AGBL4: variants seen among roughly 807,000 people sequenced by gnomAD.
AGBL4 encodes the protein cytosolic carboxypeptidase 6.
Under a neutral mutation model 66.4 loss-of-function variants are expected in AGBL4, and 58 were observed. The observed-to-expected ratio is 0.87, with a 90% CI of 0.71 to 1.09. The LOEUF (loss-of-function observed/expected upper bound fraction) is 1.09, where lower values mean the gene tolerates loss of function less well. AGBL4 is among the 50% of genes least tolerant of loss of function. The probability of loss-of-function intolerance (pLI) is 0.00; values close to 1 mark genes in which losing one functional copy is unlikely to be tolerated. For missense variants in AGBL4, 579 were observed against 631.0 expected, an observed-to-expected ratio of 0.92 and a Z score of 0.88; for synonymous variants, 234 against 222.9, an observed-to-expected ratio of 1.05 and a Z score of -0.44.
intron 2 of AGBL4, among the ~76,000 whole-genome samples, chr1:49,775,866 T>G (rs1644182842): frequency 6.6e-6 from 1 of 152,116 alleles, no homozygotes; most frequent in Non-Finnish European, 1.5e-5. Flanking sequence ...TTTATTATTA[T>G]AGTGGTAAAA....
chr1:49,186,007 T>C (rs1167070118), intron 4 of AGBL4, among the ~76,000 whole-genome samples: 1 of 152,086 alleles, frequency 6.6e-6, no homozygotes, highest in Admixed American at 6.6e-5. Flanking sequence ...CCTGCCTCCA[T>C]CCAGGGTCTC....
At chr1:49,463,472 A>C (rs1646559679) in intron 3 of AGBL4, among the ~76,000 whole-genome samples, 1 of 151,904 alleles carries the variant, frequency 6.6e-6, no homozygotes, top group East Asian at 2.0e-4. Flanking sequence ...TTAGGGACCC[A>C]GCAGCTTACT....
At chr1:48,776,285 A>C (rs1254766097) in intron 6 of AGBL4, among the ~76,000 whole-genome samples, 1 of 152,254 alleles carries the variant, frequency 6.6e-6, no homozygotes, top group Non-Finnish European at 1.5e-5. Flanking sequence ...ACAGGTAGGG[A>C]GAAAAATGGA....
chr1:49,804,067 A>T (rs1047775562), intron 2 of AGBL4, among the ~76,000 whole-genome samples: 9 of 152,152 alleles, frequency 5.9e-5, no homozygotes, highest in African/African-American at 1.7e-4. Context: ...GAATTTTTTT[A>T]AATTAGTAGT....
At position 49,824,039 on chromosome 1, in the gene AGBL4, C is replaced by T. The variant is rs571300099; in HGVS notation, c.157+27357G>A. 1.3e-5 allele frequency among the ~76,000 whole-genome samples: 2 copies of T among 151,832 alleles called. 1 individual carries two copies. Among genetic ancestry groups the T allele is most frequent in the South Asian group, 4.2e-4 (2 of 4,806 alleles). On this transcript the variant is annotated intron_variant, in intron 2 of 13. Coordinates refer to ENST00000371839, the MANE Select transcript of AGBL4 (RefSeq NM_032785.4). ...CAGCCTGACCAACATGGAGAAACCC[C>T]GTCTCTACTAAAAACAAAAATTAGC... is the stretch of plus-strand genomic sequence containing the variant.
chr1:48,848,076 C>A (rs1438880463), intron 6 of AGBL4, among the ~76,000 whole-genome samples: 1 of 152,050 alleles, frequency 6.6e-6, no homozygotes, highest in East Asian at 1.9e-4. Context: ...GTTCCTTCAG[C>A]ATTTATGTGA....
chr1:49,686,915 A>G (rs1374630830), intron 3 of AGBL4, among the ~76,000 whole-genome samples: 1 of 152,198 alleles, frequency 6.6e-6, no homozygotes, highest in Admixed American at 6.5e-5. Context: ...CTTGAGCTTA[A>G]TCCAAATGAA....
intron 5 of AGBL4, among the ~76,000 whole-genome samples, chr1:48,909,029 G>C: frequency 6.6e-6 from 1 of 151,728 alleles, no homozygotes; most frequent in East Asian, 1.9e-4. Context: ...ATTGGATTTA[G>C]CATGCACTTA....
intron 4 of AGBL4, among the ~76,000 whole-genome samples, chr1:49,104,522 A>G (rs1001388795): frequency 1.3e-5 from 2 of 152,110 alleles, no homozygotes; most frequent in Admixed American, 1.3e-4. Context: ...TGGATTACTT[A>G]TTTCCATTTT....
chr1:49,423,318 T>G (rs1645585271), intron 3 of AGBL4, among the ~76,000 whole-genome samples: 1 of 152,182 alleles, frequency 6.6e-6, no homozygotes, highest in Non-Finnish European at 1.5e-5. Flanking sequence ...TTTAGCAGGA[T>G]GCTGGCAGAG....
chr1:49,300,468 T>C (rs1420949246), intron 3 of AGBL4, among the ~76,000 whole-genome samples: 2 of 152,208 alleles, frequency 1.3e-5, no homozygotes, highest in African/African-American at 4.8e-5. Flanking sequence ...TGTCATTATT[T>C]TAAAAATCCA....
chr1:49,037,265 C>G (rs566929909), intron 5 of AGBL4, among the ~76,000 whole-genome samples: 1 of 152,118 alleles, frequency 6.6e-6, no homozygotes, highest in South Asian at 2.1e-4. Context: ...TATATGTAGT[C>G]TTCGTGGTTT....
chr1:49,620,835 A>G (rs1571191297), intron 3 of AGBL4, among the ~76,000 whole-genome samples: 1 of 152,162 alleles, frequency 6.6e-6, no homozygotes, highest in East Asian at 1.9e-4. Flanking sequence ...TAATTTAAAT[A>G]TTTTTACTTT....
intron 2 of AGBL4, chr1:49,844,897 C>G: frequency 7.2e-7 from 1 of 1,387,722 alleles, no homozygotes; most frequent in Non-Finnish European, 1.0e-6. Flanking sequence ...TTTGAAGATG[C>G]CTGTTCAGGA....
chr1:48,855,385 A>T (rs1252708136), intron 6 of AGBL4, among the ~76,000 whole-genome samples: 1 of 152,230 alleles, frequency 6.6e-6, no homozygotes, highest in Non-Finnish European at 1.5e-5. Flanking sequence ...CAGAGACCAC[A>T]AGCACATGTA....
intron 3 of AGBL4, among the ~76,000 whole-genome samples, chr1:49,693,006 A>T (rs919485985): frequency 6.6e-6 from 1 of 152,198 alleles, no homozygotes; most frequent in Non-Finnish European, 1.5e-5. Flanking sequence ...GCTGGAATGC[A>T]ATTAATTTAT....
intron 4 of AGBL4, among the ~76,000 whole-genome samples, chr1:49,094,317 A>G (rs929717353): frequency 6.6e-6 from 1 of 152,108 alleles, no homozygotes; most frequent in Non-Finnish European, 1.5e-5. Context: ...ATGTGATTAA[A>G]TTCAGGATTT....
chr1:49,497,167 G>C (rs1293637539), intron 3 of AGBL4, among the ~76,000 whole-genome samples: 4 of 151,888 alleles, frequency 2.6e-5, no homozygotes, highest in Non-Finnish European at 5.9e-5. Flanking sequence ...CCATTTGTAT[G>C]TCTTCTTTTG....
chr1:48,836,081 G>C (rs1213365782), intron 6 of AGBL4, among the ~76,000 whole-genome samples: 1 of 152,020 alleles, frequency 6.6e-6, no homozygotes, highest in Admixed American at 6.6e-5. Context: ...TCAGATGAAA[G>C]AGAATGACAT....
Sources: gnomAD v4.1 joint callset for allele counts (sites outside exome capture counted in the v4.1 genomes callset) on GRCh38, gnomAD v4.1.1 for gene constraint, MANE v1.5 for transcripts, NCBI Gene and HGNC (gene_info 2026-07-23, HGNC 2026-07-21) for gene names.